Variants in CELF2 observed in about 807,000 individuals in gnomAD.
The protein encoded by CELF2 is CUG triplet repeat RNA-binding protein 2.
Under a neutral mutation model 62.6 loss-of-function variants are expected in CELF2, and 8 were observed. The observed-to-expected ratio is 0.13, with a 90% CI of 0.07 to 0.23. The LOEUF (loss-of-function observed/expected upper bound fraction) is 0.23, where lower values mean the gene tolerates loss of function less well. Ranked by LOEUF, CELF2 falls within the 10% of genes least tolerant of loss-of-function variation. The pLI is 1.00. For synonymous variants in CELF2, 258 were observed against 250.0 expected (o/e 1.03, Z -0.30); for missense variants, 333 against 671.0 (o/e 0.50, Z 5.56).
At chr10:10,642,153 G>T in the CELF2 span, among the ~76,000 whole-genome samples, 63 of 152,316 alleles carry the variant, frequency 4.1e-4, no homozygotes, top group African/African-American at 1.5e-3. Flanking sequence ...AGAGGTCCAA[G>T]TCCTTTTGCT....
At chr10:10,671,479 GA>G in the CELF2 span, among the ~76,000 whole-genome samples, 2 of 152,176 alleles carry the variant, frequency 1.3e-5, no homozygotes, top group African/African-American at 4.8e-5. Flanking sequence ...CACATAGAAA[GA>G]ATGTGTATAG....
chr10:11,235,178 A>G (rs920900711), intron 3 of CELF2, among the ~76,000 whole-genome samples: 2 of 152,244 alleles, frequency 1.3e-5, no homozygotes, highest in Non-Finnish European at 2.9e-5. Context: ...AAACAAAGCA[A>G]ACATAAAGAG....
In CELF2 at chr10:10,931,313, C is replaced by T. The variant is rs893679122; in HGVS notation, c.89+11314C>T. On this transcript the variant is annotated intron_variant, in intron 2 of 13. Coordinates refer to the CELF2 transcript ENST00000636488. The surrounding 1 kb of genome is among the most constrained non-coding windows in gnomAD (Gnocchi z 6.1). ...ATGAGCCAGCAGAGAAAATAAATTC[C>T]CCATTAGGCCTGACTATTCATCCTT... Among the ~76,000 whole-genome samples, 1 of 152,080 alleles carries T rather than the reference C, an allele frequency of 6.6e-6. No homozygotes were observed. Among genetic ancestry groups the T allele is most frequent in the Non-Finnish European group, 1.5e-5 (1 of 68,034 alleles).
At chr10:11,279,224 T>C (rs543695511) in intron 8 of CELF2, among the ~76,000 whole-genome samples, 3 of 152,340 alleles carry the variant, frequency 2.0e-5, no homozygotes, top group Non-Finnish European at 2.9e-5. Context: ...TCAATTCTGA[T>C]TCTGAGTAAA....
rs1481707447 is a variant in CELF2 at position 11,324,238 on chromosome 10, C to A, written c.1295-1598C>A. Among the ~76,000 whole-genome samples, 1 of 152,220 alleles carries A rather than the reference C, an allele frequency of 6.6e-6. No homozygotes were observed. The highest frequency in any genetic ancestry group is 1.5e-5 in the Non-Finnish European group (1 of 68,038). ...CGGCTTCAGGAGGTGAGATGTACTT[C>A]ACAGTTCAAACTGGGGCCCAATAAC... On this transcript the variant is annotated intron_variant, in intron 11 of 12. Coordinates refer to ENST00000633077, the MANE Select transcript of CELF2 (RefSeq NM_001326342.2). The surrounding 1 kb of genome is among the most constrained non-coding windows in gnomAD (Gnocchi z 4.7).
intron 5 of CELF2, among the ~76,000 whole-genome samples, chr10:11,259,830 G>A (rs1162420669): frequency 6.6e-6 from 1 of 152,238 alleles, no homozygotes; most frequent in Non-Finnish European, 1.5e-5. Context: ...AAAAGACAGT[G>A]TGGCTAAATT....
chr10:11,198,191 A>AT (rs1294586286), intron 2 of CELF2, among the ~76,000 whole-genome samples: 1 of 152,242 alleles, frequency 6.6e-6, no homozygotes, highest in African/African-American at 2.4e-5. Context: ...TAATCAGTCC[A>AT]TTATCTCCTG....
intron 1 of CELF2, among the ~76,000 whole-genome samples, chr10:11,094,372 A>G (rs1451426282): frequency 6.6e-6 from 1 of 152,222 alleles, no homozygotes; most frequent in African/African-American, 2.4e-5. Flanking sequence ...TTACTAGGAT[A>G]TGCAGTCCAC....
At chr10:10,925,424 G>T (rs541843174) in intron 2 of CELF2, among the ~76,000 whole-genome samples, 1 of 152,048 alleles carries the variant, frequency 6.6e-6, no homozygotes, top group East Asian at 2.0e-4. Context: ...ATGGTTGTCA[G>T]CTTGGCATAC....
intron 1 of CELF2, among the ~76,000 whole-genome samples, chr10:10,805,834 G>C (rs111994609): frequency 0.014 from 2,086 of 152,258 alleles, 63 homozygotes; most frequent in African/African-American, 0.047. Flanking sequence ...TTTTCCATTT[G>C]ATCACCTTGT....
At chr10:11,093,138 C>CT (rs1399961616) in intron 1 of CELF2, among the ~76,000 whole-genome samples, 1 of 152,148 alleles carries the variant, frequency 6.6e-6, no homozygotes, top group East Asian at 1.9e-4. Flanking sequence ...TCTCCTCTAG[C>CT]TTTTTTGCAT....
chr10:10,726,954 G>A, the CELF2 span, among the ~76,000 whole-genome samples: 5 of 152,308 alleles, frequency 3.3e-5, no homozygotes, highest in Admixed American at 6.5e-5. Flanking sequence ...AGGCAAAGCC[G>A]AAGCAGGTGT....
At chr10:10,891,123 TAGACATAC>T (rs1274925708) in intron 1 of CELF2, among the ~76,000 whole-genome samples, 6 of 152,214 alleles carry the variant, frequency 3.9e-5, no homozygotes, top group Non-Finnish European at 7.3e-5. Flanking sequence ...TCCAGACGAT[TAGACATAC>T]AGACTCCAGC....
chr10:11,080,077 C>CT (rs2073572486), intron 1 of CELF2, among the ~76,000 whole-genome samples: 1 of 152,180 alleles, frequency 6.6e-6, no homozygotes, highest in South Asian at 2.1e-4. Context: ...GAGGAAAGAG[C>CT]TTTGCACTTG....
At chr10:10,592,770 G>C in the CELF2 span, among the ~76,000 whole-genome samples, 1 of 152,092 alleles carries the variant, frequency 6.6e-6, no homozygotes, top group African/African-American at 2.4e-5. Context: ...CAGCCACTCT[G>C]CTAGAGGTTG....
At chr10:10,911,116 G>A (rs2063773320) in intron 1 of CELF2, among the ~76,000 whole-genome samples, 1 of 152,198 alleles carries the variant, frequency 6.6e-6, no homozygotes, top group Admixed American at 6.5e-5. Context: ...AGCTGCGTCT[G>A]AAGAGGACAT....
chr10:10,996,388 G>A (rs1258709057), intron 2 of CELF2, among the ~76,000 whole-genome samples: 1 of 152,208 alleles, frequency 6.6e-6, no homozygotes, highest in Non-Finnish European at 1.5e-5. Flanking sequence ...TTTGGTTAGC[G>A]TCGGTGAAGG....
chr10:10,501,397 CGT>C, the CELF2 span, among the ~76,000 whole-genome samples: 1 of 152,060 alleles, frequency 6.6e-6, no homozygotes, highest in African/African-American at 2.4e-5. Context: ...TTGACTTCCG[CGT>C]ATCCTCTTTC....
the CELF2 span, among the ~76,000 whole-genome samples, chr10:10,635,005 G>T: frequency 1.1e-4 from 17 of 152,240 alleles, no homozygotes; most frequent in Admixed American, 3.3e-4. Context: ...CTCCCTGGAG[G>T]CCACACAGCA....
Sources: allele counts gnomAD v4.1 joint callset (sites outside exome capture counted in the v4.1 genomes callset), GRCh38; gene constraint gnomAD v4.1.1; non-coding constraint Gnocchi (gnomAD v3.1); transcripts MANE v1.5; gene names NCBI Gene and HGNC (gene_info 2026-07-23, HGNC 2026-07-21).